Variants in CDIN1 observed in about 807,000 individuals in gnomAD.
The protein encoded by CDIN1 is CDAN1 interacting nuclease 1.
Under a neutral mutation model 45.3 loss-of-function variants are expected in CDIN1, and 33 were observed. That is an observed-to-expected ratio of 0.73 (90% CI 0.55 to 0.97). CDIN1 has a LOEUF of 0.97. Ranked by LOEUF, CDIN1 falls within the 50% of genes least tolerant of loss-of-function variation. The pLI, the probability that CDIN1 is intolerant of heterozygous loss-of-function variation, is 0.00. For missense variants in CDIN1, 303 were observed against 339.4 expected (o/e 0.89, Z 0.84); for synonymous variants, 118 against 124.4 (o/e 0.95, Z 0.34).
At chr15:36,791,783 A>G (rs1345482179) in intron 10 of CDIN1, among the ~76,000 whole-genome samples, 2 of 152,124 alleles carry the variant, frequency 1.3e-5, no homozygotes, top group Admixed American at 1.3e-4. Flanking sequence ...CCTTTCTATA[A>G]TGGAGTTGGG....
At chr15:36,607,591 C>T (rs1049417842) in intron 1 of CDIN1, among the ~76,000 whole-genome samples, 1 of 152,034 alleles carries the variant, frequency 6.6e-6, no homozygotes, top group African/African-American at 2.4e-5. Flanking sequence ...CCCTCCCTCC[C>T]TTCCTCCCTC....
At chr15:36,718,355 A>G (rs976174932) in intron 10 of CDIN1, among the ~76,000 whole-genome samples, 9 of 152,114 alleles carry the variant, frequency 5.9e-5, no homozygotes, top group Non-Finnish European at 1.3e-4. Flanking sequence ...CTTTTTTACC[A>G]TATGAATTTT....
intron 7 of CDIN1, among the ~76,000 whole-genome samples, chr15:36,694,118 A>G (rs1226745209): frequency 2.0e-5 from 3 of 152,176 alleles, no homozygotes; most frequent in African/African-American, 7.2e-5. Context: ...CATAATTAAG[A>G]AACATATCTT....
chr15:36,620,712 C>T (rs2039145136), intron 1 of CDIN1, among the ~76,000 whole-genome samples: 1 of 152,284 alleles, frequency 6.6e-6, no homozygotes, highest in South Asian at 2.1e-4. Flanking sequence ...AATTTATTTG[C>T]TGTCAGTGTT....
At chr15:36,679,990 A>G (rs1342743109) in intron 5 of CDIN1, among the ~76,000 whole-genome samples, 4 of 152,190 alleles carry the variant, frequency 2.6e-5, no homozygotes, top group Middle Eastern at 3.2e-3. Flanking sequence ...CACTCTACCC[A>G]AAAAACGGAG....
intron 5 of CDIN1, among the ~76,000 whole-genome samples, chr15:36,682,077 A>G (rs560276650): frequency 3.2e-4 from 48 of 149,614 alleles, no homozygotes; most frequent in African/African-American, 9.1e-4. Context: ...GGGTGTGTGT[A>G]TGTGTGTGTG....
chr15:36,692,076 T>C (rs755796029), intron 6 of CDIN1, 50 bp from the exon 7 acceptor site: 51 of 1,557,850 alleles, frequency 3.3e-5, no homozygotes, highest in Non-Finnish European at 4.4e-5. Context: ...TTTACTGTAA[T>C]AGTTTTTGTA....
intron 9 of CDIN1, among the ~76,000 whole-genome samples, 190 bp from the exon 10 acceptor site, chr15:36,709,666 G>A (rs991199250): frequency 2.0e-5 from 3 of 152,088 alleles, no homozygotes; most frequent in Non-Finnish European, 2.9e-5. Flanking sequence ...AAATCAAAGG[G>A]ATATGATTGT....
intron 1 of CDIN1, among the ~76,000 whole-genome samples, chr15:36,598,803 G>C (rs79284409): frequency 1.3e-5 from 2 of 151,302 alleles, no homozygotes; most frequent in African/African-American, 4.9e-5. Flanking sequence ...ATTAGCTTTA[G>C]TGAGTTTTTT....
intron 1 of CDIN1, among the ~76,000 whole-genome samples, chr15:36,600,543 T>G (rs1037725739): frequency 6.6e-6 from 1 of 152,234 alleles, no homozygotes; most frequent in Non-Finnish European, 1.5e-5. Context: ...AACTAGTGCT[T>G]CTCTCTTGTG....
At chr15:36,596,778 AAAAAAAC>A (rs1228826903) in intron 1 of CDIN1, among the ~76,000 whole-genome samples, 8 of 152,076 alleles carry the variant, frequency 5.3e-5, no homozygotes, top group East Asian at 3.9e-4. Context: ...CCCCTCTTTA[AAAAAAAC>A]AAAAAACAAA....
intron 10 of CDIN1, among the ~76,000 whole-genome samples, chr15:36,805,597 A>G (rs2141148102): frequency 6.6e-6 from 1 of 152,292 alleles, no homozygotes; most frequent in East Asian, 1.9e-4. Context: ...CACCTCTTCT[A>G]CCATTTTTGA....
chr15:36,703,107 A>T (rs1284842089), intron 8 of CDIN1, among the ~76,000 whole-genome samples: 4 of 148,980 alleles, frequency 2.7e-5, no homozygotes, highest in African/African-American at 9.9e-5. Context: ...TGTCCCAGCT[A>T]CTGGGGAGGC....
chr15:36,795,383 C>T (rs1387908343), intron 10 of CDIN1, among the ~76,000 whole-genome samples: 1 of 151,836 alleles, frequency 6.6e-6, no homozygotes, highest in African/African-American at 2.4e-5. Flanking sequence ...TCACATGTAC[C>T]CTATAAATAC....
At chr15:36,722,014 T>A (rs916908111) in intron 10 of CDIN1, among the ~76,000 whole-genome samples, 1 of 152,168 alleles carries the variant, frequency 6.6e-6, no homozygotes, top group Non-Finnish European at 1.5e-5. Flanking sequence ...GGATTACTGT[T>A]CTTCATTGCT....
chr15:36,679,747 CT>C (rs2041785722), intron 5 of CDIN1, among the ~76,000 whole-genome samples: 1 of 152,052 alleles, frequency 6.6e-6, no homozygotes, highest in Admixed American at 6.5e-5. Context: ...ACCCACCAAC[CT>C]TTTCAAGGAG....
At chr15:36,692,062 A>G in intron 6 of CDIN1, 64 bp from the exon 7 acceptor site, 5 of 1,480,758 alleles carry the variant, frequency 3.4e-6, no homozygotes, top group South Asian at 2.4e-5. Context: ...CTTTTAGGAT[A>G]TTGTTTACTG....
intron 10 of CDIN1, among the ~76,000 whole-genome samples, chr15:36,796,345 G>A (rs1260792041): frequency 6.6e-6 from 1 of 152,158 alleles, no homozygotes; most frequent in Non-Finnish European, 1.5e-5. Context: ...GGCTATGCCA[G>A]GAAAATAAAT....
At chr15:36,694,883 G>C (rs2042370579) in intron 7 of CDIN1, among the ~76,000 whole-genome samples, 1 of 152,232 alleles carries the variant, frequency 6.6e-6, no homozygotes, top group African/African-American at 2.4e-5. Context: ...ATGTGGAATA[G>C]AAGTAAATAA....
Sources: gnomAD v4.1 joint callset for allele counts (sites outside exome capture counted in the v4.1 genomes callset) on GRCh38, gnomAD v4.1.1 for gene constraint, MANE v1.5 for transcripts, NCBI Gene and HGNC (gene_info 2026-07-23, HGNC 2026-07-21) for gene names.